Variants in SLX4IP observed in about 807,000 individuals in gnomAD.
SLX4IP encodes the protein SLX4 interacting protein.
Under a neutral mutation model 32.9 loss-of-function variants are expected in SLX4IP, and 34 were observed. That is an observed-to-expected ratio of 1.03 (90% CI 0.79 to 1.38). SLX4IP has a LOEUF of 1.38. Ranked by LOEUF, SLX4IP falls within the 40% of genes most tolerant of loss-of-function variation. The pLI is 0.00. For missense variants in SLX4IP, 444 were observed against 479.0 expected, an observed-to-expected ratio of 0.93 and a Z score of 0.68; for synonymous variants, 172 against 171.7, an observed-to-expected ratio of 1.00 and a Z score of -0.01.
At chr20:10,518,931 C>T (rs34198940) in intron 2 of SLX4IP, among the ~76,000 whole-genome samples, 87,210 of 151,936 alleles carry the variant, frequency 0.57, 25,643 homozygotes, top group South Asian at 0.72. Context: ...ATGCTGGCCA[C>T]AGAAAGGTAG....
intron 2 of SLX4IP, among the ~76,000 whole-genome samples, chr20:10,481,521 A>G (rs2065520829): frequency 6.6e-6 from 1 of 152,106 alleles, no homozygotes; most frequent in Admixed American, 6.5e-5. Context: ...TGAATTTGCC[A>G]TGATTATGCA....
chr20:10,545,107 GGAACCGGCTGCTGGTACTCTGA>G (rs1424159077), intron 2 of SLX4IP, among the ~76,000 whole-genome samples: 1 of 152,056 alleles, frequency 6.6e-6, no homozygotes, highest in Non-Finnish European at 1.5e-5. Context: ...TGGTACTCTG[GGAACCGGCTGCTGGTACTCTGA>G]GAACCGGTAG....
chr20:10,622,510 TG>T, intron 7 of SLX4IP, 148 bp from the exon 8 acceptor site: 2 of 1,035,960 alleles, frequency 1.9e-6, no homozygotes, highest in Non-Finnish European at 2.7e-6. Flanking sequence ...ACACCTGTGG[TG>T]GGGAGTGTTT....
chr20:10,471,015 G>T (rs2065420253), intron 2 of SLX4IP, among the ~76,000 whole-genome samples: 1 of 152,162 alleles, frequency 6.6e-6, no homozygotes, highest in Non-Finnish European at 1.5e-5. Flanking sequence ...TATAAGGTAG[G>T]ATTAACAGCA....
At position 10,549,643 on chromosome 20, in the gene SLX4IP, A is replaced by G. The variant is rs138645191; in HGVS notation, c.28-6588A>G. Among the ~76,000 whole-genome samples, 5 of 152,200 alleles carry G rather than the reference A, an allele frequency of 3.3e-5. No individual in the cohort carries two copies. In the South Asian group the frequency reaches 8.3e-4, roughly 25 times the overall value. The stretch of plus-strand genomic sequence containing the variant: ...AATTTCCTCAGAGTAATGTCTGGCA[A>G]TGTGGAGTCTCTCAGATCTGGATTT... On this transcript the variant is annotated intron_variant, in intron 2 of 7. Transcript: ENST00000334534.
chr20:10,602,188 T>C (rs1228006437), intron 6 of SLX4IP, among the ~76,000 whole-genome samples: 1 of 152,234 alleles, frequency 6.6e-6, no homozygotes, highest in Non-Finnish European at 1.5e-5. Context: ...GGTCAGTGGC[T>C]TTTAAATTTT....
chr20:10,452,680 A>T (rs5741824), intron 1 of SLX4IP, among the ~76,000 whole-genome samples: 43,083 of 109,528 alleles, frequency 0.39, 9,027 homozygotes, highest in East Asian at 0.78. Context: ...AAAAAAAAAA[A>T]ATATATATAT....
chr20:10,537,409 C>A (rs1001427197), intron 2 of SLX4IP, among the ~76,000 whole-genome samples: 2 of 152,148 alleles, frequency 1.3e-5, no homozygotes, highest in African/African-American at 4.8e-5. Flanking sequence ...TAATGGAACC[C>A]GTAATGAATA....
chr20:10,436,581 C>G (rs1407850063), intron 1 of SLX4IP, among the ~76,000 whole-genome samples: 4 of 152,152 alleles, frequency 2.6e-5, no homozygotes, highest in Non-Finnish European at 5.9e-5. Context: ...TTCTCGAACT[C>G]CTGACCTCAG....
chr20:10,585,581 C>A (rs572794258), intron 4 of SLX4IP, among the ~76,000 whole-genome samples: 1 of 144,978 alleles, frequency 6.9e-6, no homozygotes, highest in South Asian at 2.2e-4. Context: ...TTTTTTCTTT[C>A]TTTCTTTCTT....
chr20:10,444,505 G>A (rs2065184873), intron 1 of SLX4IP, among the ~76,000 whole-genome samples: 1 of 152,106 alleles, frequency 6.6e-6, no homozygotes. Flanking sequence ...AGCCTCCTGA[G>A]TAGCTGGGAT....
intron 2 of SLX4IP, among the ~76,000 whole-genome samples, chr20:10,521,321 G>T (rs1401929685): frequency 6.6e-6 from 1 of 152,074 alleles, no homozygotes. Flanking sequence ...CCTCTCTCTT[G>T]TTCCATTCAT....
chr20:10,520,482 C>A (rs1230646292), intron 2 of SLX4IP, among the ~76,000 whole-genome samples: 1 of 152,178 alleles, frequency 6.6e-6, no homozygotes, highest in Non-Finnish European at 1.5e-5. Flanking sequence ...TACTTTCTTG[C>A]TGGTGTGCTT....
intron 4 of SLX4IP, among the ~76,000 whole-genome samples, chr20:10,597,762 C>T (rs2122544998): frequency 6.6e-6 from 1 of 152,288 alleles, no homozygotes; most frequent in African/African-American, 2.4e-5. Flanking sequence ...GCTTTAGATA[C>T]TCAAGCATTT....
chr20:10,515,834 C>T (rs1419371870), intron 2 of SLX4IP, among the ~76,000 whole-genome samples: 1 of 152,180 alleles, frequency 6.6e-6, no homozygotes, highest in Non-Finnish European at 1.5e-5. Context: ...AGTCTTTACA[C>T]CTGATTTTGC....
At chr20:10,495,295 A>T in intron 2 of SLX4IP, among the ~76,000 whole-genome samples, 1 of 152,020 alleles carries the variant, frequency 6.6e-6, no homozygotes, top group East Asian at 1.9e-4. Flanking sequence ...AATTTCTCAA[A>T]TACCTTTTGA....
chr20:10,545,159 T>A (rs2066150055), intron 2 of SLX4IP, among the ~76,000 whole-genome samples: 2 of 152,158 alleles, frequency 1.3e-5, no homozygotes, highest in African/African-American at 2.4e-5. Context: ...GAGGCTCTAG[T>A]GGGTAAATAT....
At chr20:10,574,972 C>T (rs1164004731) in intron 4 of SLX4IP, among the ~76,000 whole-genome samples, 4 of 152,028 alleles carry the variant, frequency 2.6e-5, no homozygotes, top group Non-Finnish European at 5.9e-5. Context: ...CGTGCCTGAC[C>T]GCAAGACTTT....
intron 6 of SLX4IP, chr20:10,613,977 T>A (rs1024415876): frequency 2.5e-6 from 3 of 1,186,878 alleles, no homozygotes; most frequent in Admixed American, 1.7e-5. Context: ...CACCGTTCCC[T>A]GCTCATCGTA....
Sources: gnomAD v4.1 joint callset for allele counts (sites outside exome capture counted in the v4.1 genomes callset) on GRCh38, gnomAD v4.1.1 for gene constraint, MANE v1.5 for transcripts, NCBI Gene and HGNC (gene_info 2026-07-23, HGNC 2026-07-21) for gene names.